CNRIP1: variants seen among roughly 807,000 people sequenced by gnomAD.
The protein encoded by CNRIP1 is cannabinoid receptor interacting protein 1.
A neutral mutation model predicts 15.2 loss-of-function variants in CNRIP1; 10 were observed. The observed-to-expected ratio is 0.66, with a 90% CI of 0.41 to 1.12. The LOEUF is 1.12. CNRIP1 is among the 50% of genes most tolerant of loss of function. CNRIP1 has a pLI of 0.00. For missense variants in CNRIP1, 211 were observed against 214.7 expected, an observed-to-expected ratio of 0.98 and a Z score of 0.11; for synonymous variants, 91 against 83.2, an observed-to-expected ratio of 1.09 and a Z score of -0.51.
intron 1 of CNRIP1, among the ~76,000 whole-genome samples, chr2:68,318,853 C>G (rs3796057): frequency 0.74 from 113,335 of 152,226 alleles, 42,624 homozygotes; most frequent in African/African-American, 0.85. Flanking sequence ...ATTGCGGTGG[C>G]TGAACCCTGC....
intron 2 of CNRIP1, among the ~76,000 whole-genome samples, chr2:68,301,472 T>C (rs1379831250): frequency 6.6e-6 from 1 of 152,150 alleles, no homozygotes; most frequent in Non-Finnish European, 1.5e-5. Context: ...GGCAAGAATA[T>C]GTGTTCTTAC....
At chr2:68,318,963 C>G (rs1174227009) in intron 1 of CNRIP1, among the ~76,000 whole-genome samples, 2 of 152,258 alleles carry the variant, frequency 1.3e-5, no homozygotes, top group African/African-American at 4.8e-5. Context: ...AGCAAAAACC[C>G]TGGCTTCTTG....
At chr2:68,288,254 A>T (rs1396312411), downstream of CNRIP1, among the ~76,000 whole-genome samples, 1 of 152,148 alleles carries the variant, frequency 6.6e-6, no homozygotes, top group Non-Finnish European at 1.5e-5. Flanking sequence ...AGTAAACAAT[A>T]TTTCAATATT....
chr2:68,316,924 T>C lies in CNRIP1; in HGVS notation c.330+233A>G, dbSNP rs1345103863. On this transcript the variant is annotated intron_variant, in intron 2 of 2. Transcript: ENST00000263655. ...GTAGGTTCTGTCTCTTCCAGAACCATCTGCTTCTGCTTATGGTGTCTTTTC... is the reference window on the plus strand; with the variant it reads ...GTAGGTTCTGTCTCTTCCAGAACCACCTGCTTCTGCTTATGGTGTCTTTTC... 3 of 625,680 alleles carry C rather than the reference T, an allele frequency of 4.8e-6. No homozygotes were observed. The African/African-American group carries it at 5.5e-5, about 12-fold the overall frequency. The allele number at this position is 625,680 out of a possible 1,614,324, so 38.8% of individuals were successfully genotyped here.
intron 2 of CNRIP1, among the ~76,000 whole-genome samples, chr2:68,301,703 AAC>A (rs920770039): frequency 4.6e-5 from 7 of 152,054 alleles, no homozygotes; most frequent in Non-Finnish European, 2.9e-5. Context: ...CATCCTGGCT[AAC>A]ACAGTGAAAC....
chr2:68,285,669 AAAAGAAAAG>A (rs1451059381), intron 2 of CNRIP1, among the ~76,000 whole-genome samples: 32 of 23,480 alleles, frequency 1.4e-3, no homozygotes, highest in Admixed American at 0.012. Context: ...AAAAAAAAAA[AAAAGAAAAG>A]AAAAGAAAAG....
intron 2 of CNRIP1, among the ~76,000 whole-genome samples, chr2:68,311,067 A>G (rs901550268): frequency 3.9e-5 from 6 of 152,214 alleles, no homozygotes; most frequent in Non-Finnish European, 5.9e-5. Flanking sequence ...GCTTTTCAAC[A>G]TATGTTTAGT....
chr2:68,284,393 T>A (rs1357092224), exon 3 of CNRIP1: 8 of 1,357,636 alleles, frequency 5.9e-6, no homozygotes, highest in Non-Finnish European at 6.9e-6. Flanking sequence ...AAAAGAACAT[T>A]TGTTCCTCAT....
intron 2 of CNRIP1, among the ~76,000 whole-genome samples, chr2:68,285,670 AAAG>A (rs1448713930): frequency 8.2e-4 from 92 of 112,010 alleles, no homozygotes; most frequent in South Asian, 4.3e-3. Flanking sequence ...AAAAAAAAAA[AAAG>A]AAAAGAAAAG....
intron 2 of CNRIP1, among the ~76,000 whole-genome samples, chr2:68,287,014 C>T (rs755683101): frequency 2.0e-5 from 3 of 152,156 alleles, no homozygotes; most frequent in Non-Finnish European, 4.4e-5. Flanking sequence ...CATCTCTCTA[C>T]CTCCAAATAC....
At chr2:68,288,562 GA>G (rs1216971259), downstream of CNRIP1, among the ~76,000 whole-genome samples, 1 of 152,150 alleles carries the variant, frequency 6.6e-6, no homozygotes, top group Admixed American at 6.5e-5. Context: ...ACTTGTTAAG[GA>G]AAAATTTTAG....
At chr2:68,313,940 C>T (rs1009557847) in intron 2 of CNRIP1, among the ~76,000 whole-genome samples, 1 of 152,126 alleles carries the variant, frequency 6.6e-6, no homozygotes, top group African/African-American at 2.4e-5. Flanking sequence ...GGCTTCTCAT[C>T]CATTAGAATA....
At chr2:68,317,369 T>C in intron 1 of CNRIP1, 62 bp from the exon 2 acceptor site, 1 of 1,573,146 alleles carries the variant, frequency 6.4e-7, no homozygotes, top group Non-Finnish European at 8.7e-7. Context: ...TGTCCTGTTT[T>C]GGACCAAAAC....
chr2:68,286,523 G>C (rs569535524), intron 2 of CNRIP1, among the ~76,000 whole-genome samples: 6 of 152,292 alleles, frequency 3.9e-5, no homozygotes, highest in African/African-American at 1.4e-4. Context: ...AGCTGTTTCA[G>C]TTTTGGGAAA....
At chr2:68,298,682 C>G (rs1296262653) in intron 2 of CNRIP1, among the ~76,000 whole-genome samples, 1 of 152,188 alleles carries the variant, frequency 6.6e-6, no homozygotes, top group African/African-American at 2.4e-5. Context: ...GTAAATGTAA[C>G]TGCTGGTAAC....
chr2:68,284,536 G>A lies in CNRIP1; in HGVS notation c.331-52C>T. 4.0e-6 allele frequency: 5 copies of A among 1,239,972 alleles called. No homozygotes were observed. In the South Asian group the frequency reaches 6.9e-5, roughly 17 times the overall value. 76.8% of individuals were successfully genotyped at this position (1,239,972 alleles called of 1,614,324 possible). A position where few individuals can be genotyped will look rare whatever the true frequency, so the allele number is the denominator to read the frequency against. On this transcript the variant is annotated intron_variant, in intron 2 of 2. Transcript: ENST00000409559. ...GTTTGAGAAAACCACAGTTGGGTAGGTGCAGTGACTCACGCCCGTAATCCC... is the reference window on the plus strand; with the variant it reads ...GTTTGAGAAAACCACAGTTGGGTAGATGCAGTGACTCACGCCCGTAATCCC...
chr2:68,319,098 C>A (rs1260428264), intron 1 of CNRIP1, 124 bp downstream of exon 1: 2 of 1,018,576 alleles, frequency 2.0e-6, no homozygotes, highest in East Asian at 2.9e-5. Context: ...TCCTCCAACC[C>A]CCGGGCCCGC....
intron 2 of CNRIP1, among the ~76,000 whole-genome samples, chr2:68,307,924 G>A (rs1271101833): frequency 4.6e-5 from 7 of 152,128 alleles, no homozygotes. Context: ...CAGGTGTGGT[G>A]GCTCACCCCT....
intron 2 of CNRIP1, among the ~76,000 whole-genome samples, chr2:68,306,524 T>C (rs942760257): frequency 6.6e-6 from 1 of 152,154 alleles, no homozygotes; most frequent in Non-Finnish European, 1.5e-5. Flanking sequence ...CTCACGCCAG[T>C]AATCCCAGCG....
Sources: gnomAD v4.1 joint callset for allele counts (sites outside exome capture counted in the v4.1 genomes callset) on GRCh38, gnomAD v4.1.1 for gene constraint, MANE v1.5 for transcripts, NCBI Gene and HGNC (gene_info 2026-07-23, HGNC 2026-07-21) for gene names.